Variants in NT5DC4 observed in about 807,000 individuals in gnomAD.
NT5DC4 encodes 5'-nucleotidase domain containing 4.
In NT5DC4, 44 loss-of-function variants were observed where a neutral mutation model predicts 26.6. The observed-to-expected ratio is 1.65, with a 90% confidence interval of 1.30 to 2.13. NT5DC4 has a LOEUF of 2.13. Ranked by LOEUF, NT5DC4 falls within the 30% of genes most tolerant of loss-of-function variation. The probability of loss-of-function intolerance (pLI) is 0.00; values close to 1 mark genes in which losing one functional copy is unlikely to be tolerated. For missense variants in NT5DC4, 399 were observed against 228.1 expected (o/e 1.75, Z -4.83); for synonymous variants, 157 against 86.7 (o/e 1.81, Z -4.51).
At chr2:112,730,965 T>G (rs1016521741) in intron 16 of NT5DC4, 1 of 152,096 alleles carries the variant, frequency 6.6e-6, no homozygotes, top group Non-Finnish European at 1.5e-5. Context: ...CTCTATATCC[T>G]CACCCCATCA....
Position 112,725,472 on chromosome 2 carries a change from C to T in NT5DC4, c.1073C>T (p.Ser358Phe). The stretch of plus-strand genomic sequence containing the variant: ...CACATTTTTGGGGACATTCTCAAGT[C>T]CAAGAAGCGTCAGGGCTGGCGGACT... ...GDHIFGDILK[S>F]KKRQGWRTCL... is the part of the protein sequence containing the mutation. The change falls in exon 13 of 17, where the codon TCC becomes TTC. Residue 358 changes from serine (S) to phenylalanine (F), a missense_variant. Transcript: ENST00000688554. 3 of 717,200 alleles carry T rather than the reference C, an allele frequency of 4.2e-6. No homozygotes were observed. The highest frequency in any genetic ancestry group is 7.8e-6 in the Non-Finnish European group (3 of 384,982). 44.4% of individuals were successfully genotyped at this position (717,200 alleles called of 1,614,324 possible). A position where few individuals can be genotyped will look rare whatever the true frequency, so the allele number is the denominator to read the frequency against.
In NT5DC4 at chr2:112,730,253, C is replaced by A. The variant is rs964535844; in HGVS notation, c.1344+549C>A. On this transcript the variant is annotated intron_variant, in intron 16 of 16. Coordinates refer to ENST00000688554, the MANE Select transcript of NT5DC4 (RefSeq NM_001393655.1). ...ACTTGAACCCAGGAGGCGGAGGTTG[C>A]GGTGAGCTGAGATTGCACCACTGCA... is the stretch of plus-strand genomic sequence containing the variant. Among the ~76,000 whole-genome samples the A allele has an allele frequency of 2.4e-5, 3 of 122,942 alleles. No individual in the cohort carries two copies. The East Asian group carries it at 8.6e-4, about 35-fold the overall frequency. 80.7% of individuals were successfully genotyped at this position (122,942 alleles called of 152,430 possible).
chr2:112,719,944 TTC>T (rs1319854604), upstream of NT5DC4, among the ~76,000 whole-genome samples: 3 of 109,140 alleles, frequency 2.7e-5, no homozygotes, highest in African/African-American at 7.8e-5. Flanking sequence ...CTTTCTTTCT[TTC>T]TTTCTTTCTT....
In NT5DC4 at chr2:112,739,081, TATC is replaced by T; in HGVS notation, c.*148_*150del. On this transcript the variant is annotated 3_prime_UTR_variant, in exon 17 of 17. Coordinates refer to ENST00000688554, the MANE Select transcript of NT5DC4 (RefSeq NM_001393655.1). ...ACAGCAAGAGATGCATTAAAAACCT[TATC>T]ATTTAAAAAAATTATCTTTATTATT... The T allele has an allele frequency of 1.0e-5, 15 of 1,484,018 alleles. No homozygotes were observed. The highest frequency in any genetic ancestry group is 1.4e-5 in the Non-Finnish European group (15 of 1,078,538). 91.9% of individuals were successfully genotyped at this position (1,484,018 alleles called of 1,614,324 possible).
chr2:112,739,122 T>C, downstream of NT5DC4: 1 of 1,169,586 alleles, frequency 8.6e-7, no homozygotes, highest in Non-Finnish European at 1.2e-6. Context: ...TTGTTTCTTA[T>C]TCAATAATAA....
chr2:112,732,209 C>A (rs1424416007), intron 16 of NT5DC4, among the ~76,000 whole-genome samples: 2 of 109,516 alleles, frequency 1.8e-5, no homozygotes, highest in Non-Finnish European at 3.7e-5. Context: ...CCGAGCCTGG[C>A]ATTTTTTTTT....
downstream of NT5DC4, chr2:112,740,996 C>T: frequency 6.2e-7 from 1 of 1,608,330 alleles, no homozygotes. Flanking sequence ...ACTAAAGAGT[C>T]AGAAGTAATC....
intron 9 of NT5DC4, 115 bp downstream of exon 9, chr2:112,723,917 C>A (rs553651498): frequency 5.4e-5 from 37 of 689,320 alleles, no homozygotes; most frequent in Non-Finnish European, 9.2e-5. Flanking sequence ...CTCCTACCCC[C>A]ACCACTGGGC....
intron 16 of NT5DC4, chr2:112,736,645 GCTCT>G (rs1201474456): frequency 6.6e-6 from 1 of 152,112 alleles, no homozygotes; most frequent in Non-Finnish European, 1.5e-5. Context: ...GTGTACTTGA[GCTCT>G]TTCTTAAAAA....
chr2:112,721,587 T>G, intron 1 of NT5DC4: 1 of 717,598 alleles, frequency 1.4e-6, no homozygotes, highest in Non-Finnish European at 2.6e-6. Flanking sequence ...CACACTCAGA[T>G]GCACGCTTGC....
Position 112,723,699 on chromosome 2 carries a change from T to C in NT5DC4, c.673-20T>C, listed in dbSNP as rs1318306080. 4 of 716,076 alleles carry C rather than the reference T, an allele frequency of 5.6e-6. No homozygotes were observed. The East Asian group carries it at 1.1e-4, about 19-fold the overall frequency. The allele number at this position is 716,076 out of a possible 1,614,324, so 44.4% of individuals were successfully genotyped here. ...GCTCTGGGAGTCCCACCCCTGCAAG[T>C]CCCTCTATCTCTGCCCCAGCCACGC... is the stretch of plus-strand genomic sequence containing the variant. On this transcript the variant is annotated intron_variant, in intron 8 of 16. Transcript: ENST00000688554.
rs1025580234 is a variant in NT5DC4, at chr2:112,726,680, A to G, written c.1208A>G (p.His403Arg). 5 of 717,510 alleles carry G rather than the reference A, an allele frequency of 7.0e-6. No individual in the cohort carries two copies. Among genetic ancestry groups the G allele is most frequent in the Non-Finnish European group, 1.3e-5 (5 of 385,082 alleles). 44.4% of individuals were successfully genotyped at this position (717,510 alleles called of 1,614,324 possible). Residue 403 changes from histidine (H) to arginine (R), a missense_variant and splice_region_variant, in exon 15 of 17, where the codon CAC (histidine) becomes CGC (arginine). By Grantham distance (29) the His-to-Arg change is conservative (BLOSUM62 0). Transcript: ENST00000688554. The stretch of plus-strand genomic sequence containing the variant: ...TCACCTAGCTATTTTTGTACCAGGC[A>G]CATGGATGGGAGCAGTTGTGAGCTG... ...LDTHLADIYQ[H>R]MDGSSCELQV...
intron 15 of NT5DC4, chr2:112,727,014 G>A: frequency 1.9e-6 from 1 of 516,682 alleles, no homozygotes; most frequent in South Asian, 2.2e-5. Context: ...TGCCCGGGAA[G>A]TGCCTGCGTG....
chr2:112,720,424 T>TCA (rs555962557), upstream of NT5DC4, among the ~76,000 whole-genome samples: 241 of 152,272 alleles, frequency 1.6e-3, no homozygotes, highest in Non-Finnish European at 2.9e-3. Flanking sequence ...ATGATCCAGG[T>TCA]CACCGCTCCA....
chr2:112,730,603 CTCGTTGGGTTCT>C (rs1678372623), intron 16 of NT5DC4, among the ~76,000 whole-genome samples: 2 of 152,110 alleles, frequency 1.3e-5, no homozygotes, highest in African/African-American at 2.4e-5. Flanking sequence ...GCCTGGATTC[CTCGTTGGGTTCT>C]GCACCCCCAA....
chr2:112,730,310 C>CAAA (rs11375761), intron 16 of NT5DC4, among the ~76,000 whole-genome samples: 6,560 of 75,232 alleles, frequency 0.087, 591 homozygotes, highest in African/African-American at 0.1. Context: ...AAGACTGTCT[C>CAAA]AAAAAAAAAA....
intron 16 of NT5DC4, among the ~76,000 whole-genome samples, chr2:112,734,930 T>A (rs1374713432): frequency 6.6e-6 from 1 of 152,092 alleles, no homozygotes; most frequent in East Asian, 1.9e-4. Flanking sequence ...CCTCAAGTGA[T>A]CTGCTCACCT....
intron 10 of NT5DC4, 71 bp downstream of exon 10, chr2:112,724,197 C>A: frequency 1.4e-6 from 1 of 715,020 alleles, no homozygotes; most frequent in Non-Finnish European, 2.6e-6. Context: ...GGCTGCACCA[C>A]GATGCTGAGG....
chr2:112,737,302 A>G (rs1045843299), intron 16 of NT5DC4: 1 of 151,844 alleles, frequency 6.6e-6, no homozygotes, highest in Non-Finnish European at 1.5e-5. Context: ...AGGAGCCTCC[A>G]TACCGTTTTC....
Sources: allele counts gnomAD v4.1 joint callset (sites outside exome capture counted in the v4.1 genomes callset), GRCh38; gene constraint gnomAD v4.1.1; transcripts MANE v1.5; gene names NCBI Gene and HGNC (gene_info 2026-07-23, HGNC 2026-07-21).